The following WDR7 variants were observed in gnomAD, a reference collection of about 807,000 sequenced individuals.
WDR7 encodes the protein WD repeat-containing protein 7.
In WDR7, 46 loss-of-function variants were observed where a neutral mutation model predicts 169.4. The ratio of observed to expected loss-of-function variants is 0.27; its 90% CI spans 0.21 to 0.35. The LOEUF is 0.35. Among genes scored for constraint, WDR7 ranks in the 10% least tolerant of loss-of-function variants. The probability of loss-of-function intolerance (pLI) is 1.00; values close to 1 mark genes in which losing one functional copy is unlikely to be tolerated. For synonymous variants in WDR7, 612 were observed against 666.8 expected (o/e 0.92, Z 1.27); for missense variants, 1,534 against 1,859.3 (o/e 0.83, Z 3.22).
intron 26 of WDR7, among the ~76,000 whole-genome samples, chr18:57,002,960 A>G (rs2048004525): frequency 6.6e-6 from 1 of 152,186 alleles, no homozygotes; most frequent in Non-Finnish European, 1.5e-5. Context: ...TTCACATTCT[A>G]AACAGTTCTA....
At chr18:56,892,822 A>G (rs2046282127) in intron 21 of WDR7, among the ~76,000 whole-genome samples, 1 of 152,054 alleles carries the variant, frequency 6.6e-6, no homozygotes, top group Non-Finnish European at 1.5e-5. Flanking sequence ...GTTAAATATA[A>G]CATCCGTGGT....
intron 20 of WDR7, among the ~76,000 whole-genome samples, chr18:56,820,741 C>G (rs77773039): frequency 1.3e-5 from 2 of 152,074 alleles, no homozygotes; most frequent in African/African-American, 4.8e-5. Context: ...TCCTGTCTTA[C>G]AGTAAATTGA....
rs2026077167 is a variant in WDR7 at position 56,711,095 on chromosome 18, G to A, written c.1579-6869G>A. Among the ~76,000 whole-genome samples, 8 of 149,838 alleles carry A rather than the reference G, an allele frequency of 5.3e-5. No individual in the cohort carries two copies. In the South Asian group the frequency reaches 1.7e-3, roughly 32 times the overall value. Reference sequence around the variant, plus strand: ...CTCTCCAAGGGTTATTAGTGTTTGAGCTCTTAACTAAAATATTAAGCTTAT... The same window carrying A: ...CTCTCCAAGGGTTATTAGTGTTTGAACTCTTAACTAAAATATTAAGCTTAT... On this transcript the variant is annotated intron_variant, in intron 12 of 27. Coordinates refer to ENST00000254442, the MANE Select transcript of WDR7 (RefSeq NM_015285.3).
intron 26 of WDR7, among the ~76,000 whole-genome samples, chr18:57,006,981 C>A (rs941929376): frequency 5.7e-5 from 8 of 141,516 alleles, no homozygotes; most frequent in African/African-American, 1.5e-4. Context: ...TCTTTCCTAA[C>A]TTTTTTTTTT....
chr18:56,935,490 C>G (rs1401373088), intron 22 of WDR7, among the ~76,000 whole-genome samples: 3 of 152,182 alleles, frequency 2.0e-5, no homozygotes, highest in Admixed American at 6.5e-5. Flanking sequence ...TTACCTCATT[C>G]TGAGCTTTGT....
intron 9 of WDR7, among the ~76,000 whole-genome samples, chr18:56,692,072 A>G (rs1195068016): frequency 2.6e-5 from 4 of 152,330 alleles, no homozygotes; most frequent in East Asian, 1.9e-4. Flanking sequence ...ATTGAAATTG[A>G]CTTTTTGATG....
chr18:56,920,859 T>C (rs1456289228), intron 21 of WDR7, among the ~76,000 whole-genome samples: 1 of 152,206 alleles, frequency 6.6e-6, no homozygotes, highest in Non-Finnish European at 1.5e-5. Context: ...ATTATCTTAA[T>C]TTCAGCATTT....
intron 27 of WDR7, among the ~76,000 whole-genome samples, chr18:57,025,160 A>C: frequency 6.6e-6 from 1 of 152,204 alleles, no homozygotes; most frequent in East Asian, 1.9e-4. Context: ...GAAGTGTCTG[A>C]GCATTATATG....
At chr18:56,878,767 T>C (rs2046064184) in intron 20 of WDR7, among the ~76,000 whole-genome samples, 1 of 152,238 alleles carries the variant, frequency 6.6e-6, no homozygotes, top group East Asian at 1.9e-4. Context: ...TCTGTCTCTA[T>C]GGATTTGCCT....
At chr18:56,685,598 A>G (rs1000247596) in intron 5 of WDR7, among the ~76,000 whole-genome samples, 9 of 152,306 alleles carry the variant, frequency 5.9e-5, no homozygotes, top group Non-Finnish European at 1.2e-4. Flanking sequence ...TGTGCCTTGA[A>G]GAAATGAAGT....
At chr18:56,994,016 C>CTTTT (rs35579782) in intron 26 of WDR7, among the ~76,000 whole-genome samples, 4 of 129,210 alleles carry the variant, frequency 3.1e-5, no homozygotes, top group Non-Finnish European at 4.8e-5. Context: ...CTTTTTTTTT[C>CTTTT]TTTTTTTTTT....
At chr18:56,868,643 G>A (rs1254329165) in intron 20 of WDR7, among the ~76,000 whole-genome samples, 2 of 152,068 alleles carry the variant, frequency 1.3e-5, no homozygotes, top group African/African-American at 2.4e-5. Flanking sequence ...AGTAGTAACT[G>A]TATGAGAAAA....
intron 1 of WDR7, among the ~76,000 whole-genome samples, chr18:56,659,858 T>A (rs895554564): frequency 2.7e-5 from 4 of 149,738 alleles, no homozygotes; most frequent in African/African-American, 4.9e-5. Flanking sequence ...ACAGCATGAT[T>A]TTTTTTTTTA....
chr18:56,785,054 T>C (rs1267164269), intron 19 of WDR7, among the ~76,000 whole-genome samples: 1 of 152,224 alleles, frequency 6.6e-6, no homozygotes, highest in East Asian at 1.9e-4. Flanking sequence ...TTTGCTTTAC[T>C]GTGAGCTTTC....
chr18:56,859,433 C>G (rs2045770831), intron 20 of WDR7, among the ~76,000 whole-genome samples: 3 of 152,170 alleles, frequency 2.0e-5, no homozygotes, highest in Admixed American at 2.0e-4. Flanking sequence ...ACCCGTGCCT[C>G]AGGTTCTTCT....
intron 26 of WDR7, among the ~76,000 whole-genome samples, chr18:57,014,483 C>G (rs1452202894): frequency 6.6e-6 from 1 of 151,644 alleles, no homozygotes; most frequent in Admixed American, 6.6e-5. Context: ...ATGGAGAAAC[C>G]CTGTCTCTAC....
At chr18:56,979,059 T>A (rs533602983) in intron 26 of WDR7, among the ~76,000 whole-genome samples, 17 of 152,258 alleles carry the variant, frequency 1.1e-4, no homozygotes, top group Non-Finnish European at 2.2e-4. Flanking sequence ...TTATTATTAT[T>A]GAAAAGGCAA....
chr18:56,879,295 CT>C (rs1253223073), intron 20 of WDR7, among the ~76,000 whole-genome samples: 1 of 152,094 alleles, frequency 6.6e-6, no homozygotes, highest in African/African-American at 2.4e-5. Context: ...CTGTAATGGT[CT>C]TTTTTATTGC....
chr18:57,033,046 C>T (rs2048451055), downstream of WDR7: 1 of 151,558 alleles, frequency 6.6e-6, no homozygotes, highest in Non-Finnish European at 1.5e-5. Context: ...GGCAATGAAA[C>T]ATTATTTGTA....
Sources: allele counts gnomAD v4.1 joint callset (sites outside exome capture counted in the v4.1 genomes callset), GRCh38; gene constraint gnomAD v4.1.1; transcripts MANE v1.5; gene names NCBI Gene and HGNC (gene_info 2026-07-23, HGNC 2026-07-21).